CDH13: variants seen among roughly 807,000 people sequenced by gnomAD.
CDH13 encodes the protein cadherin 13.
A neutral mutation model predicts 63.8 loss-of-function variants in CDH13; 24 were observed. The ratio of observed to expected loss-of-function variants is 0.38; its 90% confidence interval spans 0.27 to 0.53. The LOEUF (loss-of-function observed/expected upper bound fraction) is 0.53, where lower values mean the gene tolerates loss of function less well. Ranked by LOEUF, CDH13 falls within the 20% of genes least tolerant of loss-of-function variation. The probability of loss-of-function intolerance (pLI) is 0.85; values close to 1 mark genes in which losing one functional copy is unlikely to be tolerated. For missense variants in CDH13, 1,049 were observed against 903.1 expected (o/e 1.16, Z -2.07); for synonymous variants, 503 against 355.3 (o/e 1.42, Z -4.67).
intron 9 of CDH13, among the ~76,000 whole-genome samples, chr16:83,674,656 G>A (rs1178279095): frequency 2.0e-5 from 3 of 152,186 alleles, no homozygotes; most frequent in African/African-American, 7.2e-5. Flanking sequence ...ACATACAGAA[G>A]AACTATTTGG....
intron 2 of CDH13, among the ~76,000 whole-genome samples, chr16:83,008,525 A>C (rs1445792573): frequency 6.6e-6 from 1 of 152,218 alleles, no homozygotes; most frequent in Non-Finnish European, 1.5e-5. Flanking sequence ...AAAGTATGTT[A>C]TGGAGAAGGC....
chr16:82,725,882 C>T (rs374890858), intron 1 of CDH13, among the ~76,000 whole-genome samples: 1 of 152,132 alleles, frequency 6.6e-6, no homozygotes, highest in Non-Finnish European at 1.5e-5. Flanking sequence ...AGTTACCTTT[C>T]TGTTCATAGA....
intron 1 of CDH13, among the ~76,000 whole-genome samples, chr16:82,773,829 G>A (rs2035369450): frequency 6.6e-6 from 1 of 151,088 alleles, no homozygotes; most frequent in Admixed American, 6.6e-5. Context: ...TGTCACCCAG[G>A]CTGGAGTGCA....
At chr16:82,888,633 C>T (rs181346936) in intron 2 of CDH13, among the ~76,000 whole-genome samples, 16 of 152,302 alleles carry the variant, frequency 1.1e-4, no homozygotes, top group Admixed American at 3.9e-4. Context: ...TTGTAGACCT[C>T]CCCTAGCACT....
At chr16:83,135,304 A>G (rs962834106) in intron 4 of CDH13, among the ~76,000 whole-genome samples, 1 of 152,262 alleles carries the variant, frequency 6.6e-6, no homozygotes, top group Admixed American at 6.5e-5. Context: ...CTTCAATGCC[A>G]CATCAGTGAT....
At chr16:82,885,736 C>G (rs1192190712) in intron 2 of CDH13, among the ~76,000 whole-genome samples, 6 of 152,120 alleles carry the variant, frequency 3.9e-5, no homozygotes, top group Admixed American at 1.3e-4. Flanking sequence ...TTTGTGCATT[C>G]AAATTCTGTC....
chr16:83,012,179 T>C (rs1597404796), intron 2 of CDH13, among the ~76,000 whole-genome samples: 1 of 152,310 alleles, frequency 6.6e-6, no homozygotes, highest in East Asian at 1.9e-4. Context: ...GTGTTATAGT[T>C]TAAACACAAT....
At chr16:82,945,585 T>C (rs1597266527) in intron 2 of CDH13, among the ~76,000 whole-genome samples, 1 of 152,326 alleles carries the variant, frequency 6.6e-6, no homozygotes, top group Middle Eastern at 3.4e-3. Context: ...TTTGTGTTTT[T>C]TTTCTTCGCG....
intron 6 of CDH13, among the ~76,000 whole-genome samples, chr16:83,456,846 C>A (rs1186576005): frequency 1.3e-5 from 2 of 152,130 alleles, no homozygotes; most frequent in South Asian, 4.1e-4. Flanking sequence ...CCTGTAATCC[C>A]AGCTACTCAG....
chr16:83,707,835 G>GTAAAAAAAAAAAAAAAAAA (rs1907331718), intron 10 of CDH13, among the ~76,000 whole-genome samples: 1 of 19,222 alleles, frequency 5.2e-5, no homozygotes, highest in African/African-American at 2.2e-4. Flanking sequence ...GACCCTAAAG[G>GTAAAAAAAAAAAAAAAAAA]CAAAAAAAAA....
intron 1 of CDH13, among the ~76,000 whole-genome samples, chr16:82,813,530 G>C (rs1387798826): frequency 2.6e-5 from 4 of 152,136 alleles, no homozygotes; most frequent in African/African-American, 9.7e-5. Flanking sequence ...TCTGTAGATA[G>C]TGCTATGAGC....
chr16:83,253,444 C>A (rs1456669650), intron 5 of CDH13, among the ~76,000 whole-genome samples: 1 of 152,228 alleles, frequency 6.6e-6, no homozygotes, highest in Non-Finnish European at 1.5e-5. Context: ...GTGTCCAAGG[C>A]AAAATCTGTG....
chr16:83,585,401 G>A (rs1390368965), intron 7 of CDH13, among the ~76,000 whole-genome samples: 1 of 152,156 alleles, frequency 6.6e-6, no homozygotes, highest in Non-Finnish European at 1.5e-5. Context: ...ACTCTGTTCA[G>A]TGGGTGTGGG....
At chr16:83,369,319 C>A (rs945647175) in intron 6 of CDH13, among the ~76,000 whole-genome samples, 1 of 150,812 alleles carries the variant, frequency 6.6e-6, no homozygotes, top group Non-Finnish European at 1.5e-5. Context: ...GTTTTTTTTT[C>A]CTGAACACAC....
At chr16:82,890,273 C>A (rs1210730480) in intron 2 of CDH13, among the ~76,000 whole-genome samples, 3 of 152,146 alleles carry the variant, frequency 2.0e-5, no homozygotes, top group Non-Finnish European at 4.4e-5. Flanking sequence ...TCAACAATAG[C>A]CATCTAGAGT....
chr16:82,721,473 A>G (rs557977217), intron 1 of CDH13, among the ~76,000 whole-genome samples: 160 of 152,262 alleles, frequency 1.1e-3, no homozygotes, highest in African/African-American at 3.7e-3. Context: ...GTATGGGCAC[A>G]TGGAAGGTCA....
At chr16:83,533,339 A>T (rs1280700375) in intron 7 of CDH13, among the ~76,000 whole-genome samples, 1 of 152,198 alleles carries the variant, frequency 6.6e-6, no homozygotes, top group Non-Finnish European at 1.5e-5. Context: ...AAATACTGAG[A>T]TGCCCAGAGG....
At chr16:83,467,890 C>G (rs2073356725) in intron 6 of CDH13, among the ~76,000 whole-genome samples, 1 of 152,208 alleles carries the variant, frequency 6.6e-6, no homozygotes, top group Non-Finnish European at 1.5e-5. Flanking sequence ...CATAAACAGT[C>G]CGTTTGACAG....
intron 7 of CDH13, among the ~76,000 whole-genome samples, chr16:83,600,752 C>T (rs958600374): frequency 1.3e-5 from 2 of 152,130 alleles, no homozygotes; most frequent in Non-Finnish European, 1.5e-5. Context: ...ATCTGTCCAA[C>T]GTGAGTTAAG....
Sources: gnomAD v4.1 joint callset for allele counts (sites outside exome capture counted in the v4.1 genomes callset) on GRCh38, gnomAD v4.1.1 for gene constraint, MANE v1.5 for transcripts, NCBI Gene and HGNC (gene_info 2026-07-23, HGNC 2026-07-21) for gene names.